ITGAD: variants seen among roughly 807,000 people sequenced by gnomAD.
ITGAD encodes the protein integrin alpha-D.
In ITGAD, 105 loss-of-function variants were observed where a neutral mutation model predicts 139.0. That is an observed-to-expected ratio of 0.76 (90% CI 0.65 to 0.89). The LOEUF (loss-of-function observed/expected upper bound fraction) is 0.89. ITGAD is among the 40% of genes least tolerant of loss of function. The pLI, the probability that ITGAD is intolerant of heterozygous loss-of-function variation, is 0.00. For synonymous variants in ITGAD, 569 were observed against 598.3 expected, an observed-to-expected ratio of 0.95 and a Z score of 0.71; for missense variants, 1,384 against 1,487.3, an observed-to-expected ratio of 0.93 and a Z score of 1.14.
At chr16:31,424,281 T>G (rs1020935338) in intron 28 of ITGAD, 78 bp downstream of exon 28, 35 of 1,552,188 alleles carry the variant, frequency 2.3e-5, no homozygotes, top group Middle Eastern at 1.7e-4. Flanking sequence ...GGTGGGGGGT[T>G]TGCAAGCCTT....
intron 3 of ITGAD, 52 bp downstream of exon 3, chr16:31,397,514 GC>G (rs2081295876): frequency 2.5e-6 from 4 of 1,581,626 alleles, no homozygotes; most frequent in Non-Finnish European, 3.4e-6. Flanking sequence ...ACCCAACTGT[GC>G]CCCCGCTTAG....
chr16:31,413,188 G>A lies in ITGAD; in HGVS notation c.1938G>A (p.Leu646=). ...YRCWEEKPSA[L]EAGDATVCLT... is the part of the protein sequence containing the mutation. ...GCTGGGAAGAGAAGCCCAGTGCCCTGGAAGCTGGGGACGCCACCGTCTGTC... is the reference window on the plus strand; with the variant it reads ...GCTGGGAAGAGAAGCCCAGTGCCCTAGAAGCTGGGGACGCCACCGTCTGTC... The change falls in exon 16 of 30, where the codon CTG becomes CTA. Residue 646 remains leucine, a synonymous_variant. Transcript: ENST00000389202. 1 of 1,614,090 alleles carries A rather than the reference G, an allele frequency of 6.2e-7. No homozygotes were observed. Among genetic ancestry groups the A allele is most frequent in the South Asian group, 1.1e-5 (1 of 91,082 alleles).
At chr16:31,399,223 G>C (rs1387801534) in intron 5 of ITGAD, among the ~76,000 whole-genome samples, 4 of 152,148 alleles carry the variant, frequency 2.6e-5, no homozygotes, top group Non-Finnish European at 5.9e-5. Flanking sequence ...TTCCTCATTG[G>C]TAAAATAGAG....
At chr16:31,404,837 C>T (rs1245942312) in intron 7 of ITGAD, 3 of 144,010 alleles carry the variant, frequency 2.1e-5, no homozygotes, top group Non-Finnish European at 4.5e-5. Context: ...TCCTTCCTTT[C>T]TTCCCTTCCT....
At position 31,423,890 on chromosome 16, in the gene ITGAD, T is replaced by G; in HGVS notation, c.3091T>G (p.Ser1031Ala). ...DCLQFRCDVP[S>A]FSVQEELDFT... ...CCTGCAGTTCCGCTGTGACGTCCCCTCCTTCAGCGTCCAGGAGGAGCTGGA... is the reference window on the plus strand; with the variant it reads ...CCTGCAGTTCCGCTGTGACGTCCCCGCCTTCAGCGTCCAGGAGGAGCTGGA... Residue 1031 changes from serine to alanine, a missense_variant, in exon 27 of 30, where the codon TCC becomes GCC. Transcript: ENST00000389202. 1 of 1,614,184 alleles carries G rather than the reference T, an allele frequency of 6.2e-7. No individual in the cohort carries two copies. The highest frequency in any genetic ancestry group is 1.1e-5 in the South Asian group (1 of 91,086).
rs188506573 is a variant in ITGAD at position 31,426,179 on chromosome 16, A to G, written c.*51A>G. The G allele has an allele frequency of 2.3e-4, 285 of 1,257,608 alleles. No homozygotes were observed. Among genetic ancestry groups the G allele is most frequent in the Admixed American group, 1.0e-3 (55 of 53,284 alleles). 77.9% of individuals were successfully genotyped at this position (1,257,608 alleles called of 1,614,324 possible). ...CCACTGTGGGCTGGACTTGCTTGCA[A>G]CCATAAATCAACTTACATGGAAACA... On this transcript the variant is annotated 3_prime_UTR_variant, in exon 30 of 30. Transcript: ENST00000389202.
In ITGAD at chr16:31,413,155, G is replaced by A; in HGVS notation, c.1905G>A (p.Val635=). The change falls in exon 16 of 30, where the codon GTG becomes GTA. Residue 635 remains valine, a synonymous_variant. Transcript: ENST00000389202. ...RFSPVEVAKA[V]YRCWEEKPSA... is the part of the protein sequence containing the mutation. ...GCCCTGTGGAGGTGGCCAAGGCTGT[G>A]TACCGGTGCTGGGAAGAGAAGCCCA... The A allele has an allele frequency of 6.2e-7, 1 of 1,614,182 alleles. No homozygotes were observed. Among genetic ancestry groups the A allele is most frequent in the South Asian group, 1.1e-5 (1 of 91,084 alleles).
At chr16:31,412,622 C>T (rs1363180468) in intron 14 of ITGAD, among the ~76,000 whole-genome samples, 4 of 152,152 alleles carry the variant, frequency 2.6e-5, no homozygotes, top group African/African-American at 9.7e-5. Flanking sequence ...ACTCGGGTCA[C>T]CAGGACACCC....
At chr16:31,416,409 C>A in intron 19 of ITGAD, 96 bp from the exon 20 acceptor site, 3 of 1,528,418 alleles carry the variant, frequency 2.0e-6, no homozygotes, top group Non-Finnish European at 2.7e-6. Context: ...TGTTATTGGC[C>A]CAGAGCTCCA....
chr16:31,414,418 C>T, intron 16 of ITGAD, 33 bp from the exon 17 acceptor site: 1 of 1,603,532 alleles, frequency 6.2e-7, no homozygotes, highest in Non-Finnish European at 8.5e-7. Context: ...GTTATTTCTG[C>T]CTTTTCATTT....
chr16:31,394,347 C>A lies in ITGAD; in HGVS notation c.137+6C>A. ...GTGCAGTTCGGTGGATCTCGGTAGG[C>A]CCCACTCACCCTCCTTCCCCAACCT... On this transcript the variant is annotated splice_donor_region_variant and intron_variant, in intron 2 of 29. Transcript: ENST00000389202. 3.7e-6 allele frequency: 6 copies of A among 1,601,774 alleles called. No homozygotes were observed. The South Asian group carries it at 4.4e-5, about 12-fold the overall frequency.
rs1309708845 is a variant in ITGAD at position 31,426,148 on chromosome 16, T to C, written c.*20T>C. 1 of 1,489,682 alleles carries C rather than the reference T, an allele frequency of 6.7e-7. No homozygotes were observed. Among genetic ancestry groups the C allele is most frequent in the Admixed American group, 1.7e-5 (1 of 58,710 alleles). The allele number at this position is 1,489,682 out of a possible 1,614,324, so 92.3% of individuals were successfully genotyped here. A position where few individuals can be genotyped will look rare whatever the true frequency, so the allele number is the denominator to read the frequency against. On this transcript the variant is annotated 3_prime_UTR_variant, in exon 30 of 30. Transcript: ENST00000389202. ...TCCTAATAATCCACTTTCCTGTTTA[T>C]CTCTACCACTGTGGGCTGGACTTGC...
chr16:31,406,372 C>T (rs1326752470), intron 7 of ITGAD, among the ~76,000 whole-genome samples: 6 of 151,988 alleles, frequency 3.9e-5, no homozygotes, highest in Admixed American at 6.6e-5. Context: ...TGTGCCCGGC[C>T]GATAGTTACA....
intron 5 of ITGAD, among the ~76,000 whole-genome samples, chr16:31,399,050 G>T (rs1191254636): frequency 1.3e-5 from 2 of 152,190 alleles, no homozygotes; most frequent in Non-Finnish European, 2.9e-5. Flanking sequence ...AATGCGATGT[G>T]CAATTTTGTC....
Position 31,397,812 on chromosome 16 carries a change from GCA to G in ITGAD, c.333_334del (p.His111GlnfsTer45). 6.2e-7 allele frequency: 1 copy of G among 1,613,440 alleles called. No individual in the cohort carries two copies. Among genetic ancestry groups the G allele is most frequent in the South Asian group, 1.1e-5 (1 of 91,050 alleles). ...SRLLACGPTLHRVCGENSYSK... is the reference protein window; with the variant it reads ...SRLLACGPTLXRVCGENSYSK... ...GCCTCCAGGCCTGTGGCCCGACCCT[GCA>G]CAGAGTCTGTGGGGAGAACTCATAC... On this transcript the variant is annotated frameshift_variant, in exon 5 of 30. Transcript: ENST00000389202. LOFTEE classifies it high-confidence loss of function.
intron 5 of ITGAD, among the ~76,000 whole-genome samples, chr16:31,400,479 G>A (rs1173731099): frequency 6.6e-6 from 1 of 152,172 alleles, no homozygotes. Context: ...GTACCAACTG[G>A]GCCCTGAACA....
intron 11 of ITGAD, 34 bp downstream of exon 11, chr16:31,410,558 A>G: frequency 6.8e-7 from 1 of 1,467,518 alleles, no homozygotes. Context: ...GACAGGTTGG[A>G]GATGCACTGC....
chr16:31,393,411 T>C lies in ITGAD; in HGVS notation c.31+20T>C. On this transcript the variant is annotated intron_variant, in intron 1 of 29. Transcript: ENST00000389202. The stretch of plus-strand genomic sequence containing the variant: ...TGAGTGGTAAGTGGGGCCAGGGTGC[T>C]GGGGAGAAGCTTGGAGGAGTTCTGA... 1.2e-6 allele frequency: 2 copies of C among 1,613,836 alleles called. No individual in the cohort carries two copies. Among genetic ancestry groups the C allele is most frequent in the Non-Finnish European group, 1.7e-6 (2 of 1,179,952 alleles).
chr16:31,412,402 C>T (rs1191903093), intron 14 of ITGAD, among the ~76,000 whole-genome samples: 1 of 152,170 alleles, frequency 6.6e-6, no homozygotes, highest in Non-Finnish European at 1.5e-5. Context: ...TCTTCTGATC[C>T]TCTTTCACCA....
Sources: allele counts gnomAD v4.1 joint callset (sites outside exome capture counted in the v4.1 genomes callset), GRCh38; gene constraint gnomAD v4.1.1; transcripts MANE v1.5; gene names NCBI Gene and HGNC (gene_info 2026-07-23, HGNC 2026-07-21).